Variants in ZNF626 observed in about 807,000 individuals in gnomAD.
ZNF626 encodes zinc finger protein 626.
A neutral mutation model predicts 11.7 loss-of-function variants in ZNF626; 4 were observed. That is an observed-to-expected ratio of 0.34 (90% CI 0.17 to 0.78). The LOEUF (loss-of-function observed/expected upper bound fraction) is 0.78. Ranked by LOEUF, ZNF626 falls within the 30% of genes least tolerant of loss-of-function variation. ZNF626 has a pLI of 0.57. For synonymous variants in ZNF626, 179 were observed against 198.6 expected, an observed-to-expected ratio of 0.90 and a Z score of 0.83; for missense variants, 588 against 587.1, an observed-to-expected ratio of 1.00 and a Z score of -0.01.
At chr19:20,629,512 G>A (rs1381459644) in intron 3 of ZNF626, among the ~76,000 whole-genome samples, 1 of 152,150 alleles carries the variant, frequency 6.6e-6, no homozygotes, top group South Asian at 2.1e-4. Flanking sequence ...CTTGTAAGGT[G>A]GATTCCTAGG....
chr19:20,642,472 T>G (rs1970033856), intron 3 of ZNF626, among the ~76,000 whole-genome samples: 1 of 152,120 alleles, frequency 6.6e-6, no homozygotes, highest in African/African-American at 2.4e-5. Context: ...GTGGCGTGCC[T>G]GTAGTCCCAG....
intron 1 of ZNF626, among the ~76,000 whole-genome samples, chr19:20,656,101 C>T (rs1193936075): frequency 6.6e-6 from 1 of 152,008 alleles, no homozygotes; most frequent in Non-Finnish European, 1.5e-5. Flanking sequence ...GTGCACAAGA[C>T]CAACACAACA....
chr19:20,636,113 CAA>C (rs1340889875), intron 3 of ZNF626, among the ~76,000 whole-genome samples: 1 of 152,096 alleles, frequency 6.6e-6, no homozygotes, highest in Non-Finnish European at 1.5e-5. Flanking sequence ...GCCTGCATAA[CAA>C]GAGTGAAATT....
At chr19:20,656,634 G>A (rs951576217) in intron 1 of ZNF626, among the ~76,000 whole-genome samples, 5 of 150,532 alleles carry the variant, frequency 3.3e-5, no homozygotes, top group Admixed American at 6.6e-5. Context: ...CAAATAACAC[G>A]AACAGATGCT....
At chr19:20,660,336 C>CAG (rs3884365) in intron 1 of ZNF626, among the ~76,000 whole-genome samples, 11,093 of 151,288 alleles carry the variant, frequency 0.073, 514 homozygotes, top group South Asian at 0.13. Context: ...ATGTCCACAT[C>CAG]AGTTATTCAC....
At chr19:20,640,871 G>GC (rs1474311440) in intron 3 of ZNF626, among the ~76,000 whole-genome samples, 3 of 151,968 alleles carry the variant, frequency 2.0e-5, no homozygotes, top group Non-Finnish European at 4.4e-5. Context: ...AAAAAGCCAG[G>GC]CACAGTGGCT....
At chr19:20,657,836 AAGAAAATTAATGC>A (rs1315180606) in intron 1 of ZNF626, among the ~76,000 whole-genome samples, 2 of 152,160 alleles carry the variant, frequency 1.3e-5, no homozygotes, top group Non-Finnish European at 2.9e-5. Context: ...AAACAAAAAA[AAGAAAATTAATGC>A]AGAAACAGAA....
rs1299426069 is a variant in ZNF626 at position 20,646,511 on chromosome 19, GGACT to G, written c.4-110_4-107del. On this transcript the variant is annotated intron_variant, in intron 1 of 3. Coordinates refer to ENST00000601440, the MANE Select transcript of ZNF626 (RefSeq NM_001076675.3). ...TAAAGAGAACTGGTTCTGACTTATA[GGACT>G]GACTAAAATTATCCAATAAAATGAT... The G allele has an allele frequency of 9.6e-6, 15 of 1,564,674 alleles. No individual in the cohort carries two copies. In the South Asian group the frequency reaches 1.2e-4, roughly 12 times the overall value.
At chr19:20,661,345 G>A in intron 1 of ZNF626, 99 bp downstream of exon 1, 1 of 1,470,084 alleles carries the variant, frequency 6.8e-7, no homozygotes, top group Non-Finnish European at 9.5e-7. Context: ...AGCAGACTGT[G>A]GAGCTGACTG....
chr19:20,649,027 G>A (rs1970116862), intron 1 of ZNF626, among the ~76,000 whole-genome samples: 1 of 152,176 alleles, frequency 6.6e-6, no homozygotes, highest in African/African-American at 2.4e-5. Flanking sequence ...ACAAGTAAAG[G>A]TTTGTGAGTA....
chr19:20,652,042 C>T (rs1462494310), intron 1 of ZNF626, among the ~76,000 whole-genome samples: 1 of 152,152 alleles, frequency 6.6e-6, no homozygotes, highest in Admixed American at 6.5e-5. Context: ...AACCACACTC[C>T]CAAATGGGAG....
chr19:20,649,113 C>CT (rs1273644473), intron 1 of ZNF626, among the ~76,000 whole-genome samples: 1 of 152,000 alleles, frequency 6.6e-6, no homozygotes, highest in Non-Finnish European at 1.5e-5. Context: ...AGAAAAGCCA[C>CT]TTTTTTTTCT....
intron 1 of ZNF626, among the ~76,000 whole-genome samples, chr19:20,655,089 G>C (rs1233986639): frequency 6.8e-6 from 1 of 146,354 alleles, no homozygotes; most frequent in African/African-American, 2.6e-5. Context: ...TCCAGCCTCG[G>C]CAACAGAGTG....
Position 20,621,417 on chromosome 19 carries a change from A to G in ZNF626, c.*2873T>C, listed in dbSNP as rs1969756887. 6.6e-6 allele frequency: 1 copy of G among 152,210 alleles called. No homozygotes were observed. Among genetic ancestry groups the G allele is most frequent in the South Asian group, 2.1e-4 (1 of 4,830 alleles). The allele number at this position is 152,210 out of a possible 1,614,324, so 9.4% of individuals were successfully genotyped here. On this transcript the variant is annotated 3_prime_UTR_variant, in exon 4 of 4. Coordinates refer to ENST00000601440, the MANE Select transcript of ZNF626 (RefSeq NM_001076675.3). ...ATTACAGGCATGAGCCACTGCGTCC[A>G]GCCCATATTCTATTTATATTTCTGT...
At chr19:20,652,541 T>C (rs1308803354) in intron 1 of ZNF626, among the ~76,000 whole-genome samples, 1 of 152,200 alleles carries the variant, frequency 6.6e-6, no homozygotes, top group East Asian at 1.9e-4. Context: ...ATACATATCA[T>C]TATAGTTTAG....
At position 20,625,442 on chromosome 19, in the gene ZNF626, A is replaced by G. The variant is rs782152684; in HGVS notation, c.435T>C (p.Cys145=). 1.9e-6 allele frequency: 3 copies of G among 1,613,994 alleles called. No individual in the cohort carries two copies. The Admixed American group carries it at 5.0e-5, about 27-fold the overall frequency. ...QCLTTTPRKI[C]QCDKYVKVLH... is the part of the protein sequence containing the mutation. ...GGACTTTCACATATTTATCACATTG[A>G]CATATTTTTCTTGGGGTAGTTGTCA... Residue 145 remains cysteine, a synonymous_variant, in exon 4 of 4, where the codon TGT becomes TGC. Transcript: ENST00000601440.
chr19:20,653,397 GAAGAAT>G (rs1327850865), intron 1 of ZNF626, among the ~76,000 whole-genome samples: 3 of 152,160 alleles, frequency 2.0e-5, no homozygotes, highest in African/African-American at 7.2e-5. Context: ...TTCACAAGTA[GAAGAAT>G]TTCCAGCACC....
At chr19:20,630,943 G>A (rs1435525571) in intron 3 of ZNF626, among the ~76,000 whole-genome samples, 2 of 151,270 alleles carry the variant, frequency 1.3e-5, no homozygotes, top group Non-Finnish European at 2.9e-5. Flanking sequence ...ACACTGCTTT[G>A]AATGTGTCCC....
In ZNF626 at chr19:20,624,900, T is replaced by C. The variant is rs782734054; in HGVS notation, c.977A>G (p.Tyr326Cys). Residue 326 changes from tyrosine (Y) to cysteine (C), a missense_variant, in exon 4 of 4, where the codon TAT (tyrosine) becomes TGT (cysteine). Tyr to Cys is a radical substitution (Grantham distance 194). Transcript: ENST00000601440. ...EECDKAFKYS[Y>C]TLTTHKRIHT... ...AATTCTTTTATGTGTAGTAAGGGTA[T>C]AGGAGTACTTAAAGGCTTTGTCACA... The C allele has an allele frequency of 1.9e-6, 3 of 1,607,476 alleles. No homozygotes were observed. The highest frequency in any genetic ancestry group is 2.3e-5 in the East Asian group (1 of 44,380).
Sources: gnomAD v4.1 joint callset for allele counts (sites outside exome capture counted in the v4.1 genomes callset) on GRCh38, gnomAD v4.1.1 for gene constraint, MANE v1.5 for transcripts, NCBI Gene and HGNC (gene_info 2026-07-23, HGNC 2026-07-21) for gene names.